PRKG1: variants seen among roughly 807,000 people sequenced by gnomAD.
PRKG1 encodes protein kinase cGMP-dependent 1.
A neutral mutation model predicts 88.1 loss-of-function variants in PRKG1; 35 were observed. That is an observed-to-expected ratio of 0.40 (90% confidence interval 0.30 to 0.53). The LOEUF is 0.53. PRKG1 is among the 20% of genes least tolerant of loss of function. The pLI is 0.59. For synonymous variants in PRKG1, 303 were observed against 292.5 expected (o/e 1.04, Z -0.37); for missense variants, 540 against 839.8 (o/e 0.64, Z 4.41).
intron 4 of PRKG1, among the ~76,000 whole-genome samples, chr10:51,829,654 T>A (rs1041311644): frequency 6.6e-5 from 10 of 152,218 alleles, no homozygotes; most frequent in Non-Finnish European, 1.3e-4. Context: ...TGACATCTTA[T>A]TTTCTAAATA....
intron 7 of PRKG1, among the ~76,000 whole-genome samples, chr10:52,112,760 C>G (rs774735459): frequency 6.6e-6 from 1 of 152,114 alleles, no homozygotes; most frequent in Non-Finnish European, 1.5e-5. Flanking sequence ...CTCTAAGCAG[C>G]TGTAAGCATA....
intron 3 of PRKG1, among the ~76,000 whole-genome samples, chr10:51,631,468 C>T (rs759764415): frequency 1.7e-4 from 26 of 152,242 alleles, no homozygotes; most frequent in Middle Eastern, 3.4e-3. Flanking sequence ...ACCCACTTGC[C>T]ACTATAAAGC....
chr10:51,509,238 C>T (rs1841319846), intron 3 of PRKG1, among the ~76,000 whole-genome samples: 2 of 152,032 alleles, frequency 1.3e-5, no homozygotes, highest in Non-Finnish European at 2.9e-5. Flanking sequence ...ATATGTATGC[C>T]TGTATATTAG....
At chr10:51,551,502 GC>G (rs377729807) in intron 3 of PRKG1, among the ~76,000 whole-genome samples, 253 of 151,920 alleles carry the variant, frequency 1.7e-3, no homozygotes, top group Non-Finnish European at 3.0e-3. Context: ...AAAGCATGAA[GC>G]TATTAATCTA....
chr10:51,223,506 G>A (rs1488811768), intron 2 of PRKG1, among the ~76,000 whole-genome samples: 1 of 152,100 alleles, frequency 6.6e-6, no homozygotes, highest in Non-Finnish European at 1.5e-5. Flanking sequence ...ACATACACGA[G>A]TGAATATCTA....
At chr10:51,683,075 T>C (rs1052812378) in intron 3 of PRKG1, among the ~76,000 whole-genome samples, 30 of 152,226 alleles carry the variant, frequency 2.0e-4, no homozygotes, top group African/African-American at 7.0e-4. Context: ...AAACATGTTA[T>C]TTTATTTATA....
chr10:51,685,703 G>T (rs148374757), intron 3 of PRKG1, among the ~76,000 whole-genome samples: 1 of 152,110 alleles, frequency 6.6e-6, no homozygotes, highest in Non-Finnish European at 1.5e-5. Context: ...CTTCCATAAT[G>T]TGGTGGGGAA....
At chr10:51,701,316 G>A (rs970030794) in intron 3 of PRKG1, among the ~76,000 whole-genome samples, 1 of 152,134 alleles carries the variant, frequency 6.6e-6, no homozygotes, top group Non-Finnish European at 1.5e-5. Context: ...ATTGTATTAT[G>A]TATCTTCAGT....
At chr10:51,088,259 G>GT (rs1419240659) in intron 1 of PRKG1, among the ~76,000 whole-genome samples, 1 of 151,956 alleles carries the variant, frequency 6.6e-6, no homozygotes, top group African/African-American at 2.4e-5. Context: ...TTTTCCAATG[G>GT]TTTACTTCCT....
upstream of PRKG1, chr10:51,074,382 C>T (rs868470210): frequency 7.5e-6 from 10 of 1,329,096 alleles, no homozygotes; most frequent in Middle Eastern, 2.7e-4. Flanking sequence ...TCACAGCCAG[C>T]CCAGAGAAGT....
At chr10:52,184,344 C>G (rs1343761158) in intron 9 of PRKG1, among the ~76,000 whole-genome samples, 1 of 152,096 alleles carries the variant, frequency 6.6e-6, no homozygotes, top group Non-Finnish European at 1.5e-5. Flanking sequence ...GATTACTGCA[C>G]AGTACTTAAG....
At chr10:51,934,405 C>T (rs1329055082) in intron 5 of PRKG1, among the ~76,000 whole-genome samples, 2 of 152,142 alleles carry the variant, frequency 1.3e-5, no homozygotes, top group Non-Finnish European at 1.5e-5. Flanking sequence ...TTGTTCTTAA[C>T]ATTTTAGCTT....
intron 3 of PRKG1, among the ~76,000 whole-genome samples, chr10:51,735,723 G>A (rs939890026): frequency 6.6e-5 from 10 of 151,466 alleles, no homozygotes; most frequent in Non-Finnish European, 1.5e-4. Flanking sequence ...GTAAATAGTT[G>A]TTATACTGCA....
chr10:51,841,745 C>T (rs1443103018), intron 4 of PRKG1, among the ~76,000 whole-genome samples: 2 of 151,986 alleles, frequency 1.3e-5, no homozygotes, highest in Non-Finnish European at 2.9e-5. Flanking sequence ...TGCAGTGGCG[C>T]GATTTCAGCT....
intron 2 of PRKG1, among the ~76,000 whole-genome samples, chr10:51,460,271 A>C (rs1313933769): frequency 4.6e-5 from 7 of 152,174 alleles, no homozygotes; most frequent in Non-Finnish European, 7.4e-5. Context: ...TAACAAAAAT[A>C]AAAATCACAT....
At position 51,976,943 on chromosome 10, in the gene PRKG1, A is replaced by G. The variant is rs1289891716; in HGVS notation, c.762+69373A>G. 2.0e-5 allele frequency among the ~76,000 whole-genome samples: 3 copies of G among 152,134 alleles called. No homozygotes were observed. The East Asian group carries it at 5.8e-4, about 29-fold the overall frequency. ...TTCCATATATATTGAATGTTTCTGA[A>G]AATGAACTTTCATAAATACAATGCT... is the stretch of plus-strand genomic sequence containing the variant. On this transcript the variant is annotated intron_variant, in intron 5 of 17. Coordinates refer to ENST00000373980, the MANE Select transcript of PRKG1 (RefSeq NM_006258.4).
chr10:52,218,171 AC>A (rs1427593272), intron 9 of PRKG1, among the ~76,000 whole-genome samples: 1 of 149,242 alleles, frequency 6.7e-6, no homozygotes, highest in Non-Finnish European at 1.5e-5. Context: ...TAGATCACCC[AC>A]TGCACGCTAG....
chr10:51,583,996 T>A (rs1838109748), intron 3 of PRKG1, among the ~76,000 whole-genome samples: 1 of 152,112 alleles, frequency 6.6e-6, no homozygotes, highest in Non-Finnish European at 1.5e-5. Flanking sequence ...CCACAGAGCA[T>A]AATCTACCTC....
In PRKG1 at chr10:51,469,442, A is replaced by G. The variant is rs141767857; in HGVS notation, c.592+1606A>G. The stretch of plus-strand genomic sequence containing the variant: ...TAATCTTATGAAACATGGAATTTTT[A>G]TTAAAGAAATATTTTAAGTAGTTTA... On this transcript the variant is annotated intron_variant, in intron 3 of 17. Transcript: ENST00000373980. 3.8e-3 allele frequency among the ~76,000 whole-genome samples: 578 copies of G among 151,972 alleles called. 3 individuals are homozygous for G. Among genetic ancestry groups the G allele is most frequent in the African/African-American group, 0.013 (535 of 41,526 alleles).
Sources: gnomAD v4.1 joint callset for allele counts (sites outside exome capture counted in the v4.1 genomes callset) on GRCh38, gnomAD v4.1.1 for gene constraint, MANE v1.5 for transcripts, NCBI Gene and HGNC (gene_info 2026-07-23, HGNC 2026-07-21) for gene names.